The following SERPINI1 variants were observed in gnomAD, a reference collection of about 807,000 sequenced individuals.
SERPINI1 encodes serpin family I member 1.
SERPINI1 carries 19 observed loss-of-function variants against 41.1 expected under a neutral mutation model. The ratio of observed to expected loss-of-function variants is 0.46; its 90% CI spans 0.32 to 0.68. SERPINI1 has a LOEUF of 0.68. Among genes scored for constraint, SERPINI1 ranks in the 30% least tolerant of loss-of-function variants. The pLI is 0.03. For synonymous variants in SERPINI1, 138 were observed against 156.6 expected (o/e 0.88, Z 0.89); for missense variants, 460 against 479.2 (o/e 0.96, Z 0.37).
At chr3:167,768,801 T>G (rs1167953457) in intron 1 of SERPINI1, among the ~76,000 whole-genome samples, 1 of 152,222 alleles carries the variant, frequency 6.6e-6, no homozygotes, top group Admixed American at 6.5e-5. Context: ...TATCCAGCAC[T>G]GGCTGCTGCA....
At chr3:167,768,697 T>C (rs190712277) in intron 1 of SERPINI1, among the ~76,000 whole-genome samples, 39 of 152,310 alleles carry the variant, frequency 2.6e-4, no homozygotes, top group African/African-American at 9.1e-4. Context: ...AGATGGCTTA[T>C]GGAATTTCTC....
chr3:167,796,564 G>A lies in SERPINI1; in HGVS notation c.881+1740G>A, dbSNP rs561498176. Among the ~76,000 whole-genome samples, 6 of 152,142 alleles carry A rather than the reference G, an allele frequency of 3.9e-5. No homozygotes were observed. In the South Asian group the frequency reaches 1.2e-3, roughly 32 times the overall value. ...GTTGTTCCCCTCCCTGTGTCCATGT[G>A]TTCTAATTGTTCAGCTCCCACTTAT... is the stretch of plus-strand genomic sequence containing the variant. On this transcript the variant is annotated intron_variant, in intron 5 of 8. Transcript: ENST00000446050.
chr3:167,758,357 G>A (rs1726256683), intron 1 of SERPINI1, among the ~76,000 whole-genome samples: 1 of 152,100 alleles, frequency 6.6e-6, no homozygotes, highest in Admixed American at 6.5e-5. Context: ...ATGTATTATA[G>A]CCCGTAGAAT....
At chr3:167,792,350 CAT>C (rs1375321070) in intron 3 of SERPINI1, among the ~76,000 whole-genome samples, 4 of 142,186 alleles carry the variant, frequency 2.8e-5, no homozygotes, top group African/African-American at 8.2e-5. Context: ...TATACACACA[CAT>C]ATATATATAC....
chr3:167,800,162 C>T (rs970865840), intron 5 of SERPINI1: 9 of 151,920 alleles, frequency 5.9e-5, no homozygotes, highest in Non-Finnish European at 1.0e-4. Context: ...AATGAAATAC[C>T]GCAAGATTTA....
At chr3:167,774,295 G>A (rs1387956714) in intron 1 of SERPINI1, among the ~76,000 whole-genome samples, 4 of 152,080 alleles carry the variant, frequency 2.6e-5, no homozygotes, top group Admixed American at 2.6e-4. Context: ...GTTAATATTA[G>A]TATTCTTCCT....
At chr3:167,772,862 C>CTCTCTCTCTCTCTT (rs1553772911) in intron 1 of SERPINI1, among the ~76,000 whole-genome samples, 6 of 23,632 alleles carry the variant, frequency 2.5e-4, no homozygotes, top group African/African-American at 9.8e-4. Flanking sequence ...CTCTCTCTCT[C>CTCTCTCTCTCTCTT]TCTATATATA....
chr3:167,780,639 A>C (rs1727092114), intron 1 of SERPINI1, among the ~76,000 whole-genome samples: 1 of 152,122 alleles, frequency 6.6e-6, no homozygotes, highest in South Asian at 2.1e-4. Flanking sequence ...TAAAACATTT[A>C]ATTGTTATTT....
At chr3:167,747,934 G>T (rs905441429) in intron 1 of SERPINI1, among the ~76,000 whole-genome samples, 2 of 150,820 alleles carry the variant, frequency 1.3e-5, no homozygotes, top group African/African-American at 4.9e-5. Flanking sequence ...TTTGTGTTTT[G>T]TTGTTTTTTT....
At chr3:167,798,430 T>A (rs569133604) in intron 5 of SERPINI1, among the ~76,000 whole-genome samples, 6 of 152,184 alleles carry the variant, frequency 3.9e-5, no homozygotes, top group African/African-American at 1.4e-4. Flanking sequence ...AATACTTATA[T>A]GTTACAATAA....
chr3:167,744,568 T>G (rs940205540), intron 1 of SERPINI1, among the ~76,000 whole-genome samples: 1 of 145,730 alleles, frequency 6.9e-6, no homozygotes, highest in Admixed American at 7.0e-5. Flanking sequence ...TGCTACACTT[T>G]AAAATATAGT....
Position 167,789,143 on chromosome 3 carries a change from ACTCTT to A in SERPINI1, c.21_25del (p.Ser8AlafsTer14). 6.2e-7 allele frequency: 1 copy of A among 1,613,648 alleles called. No individual in the cohort carries two copies. Among genetic ancestry groups the A allele is most frequent in the Non-Finnish European group, 8.5e-7 (1 of 1,179,922 alleles). On this transcript the variant is annotated frameshift_variant, in exon 2 of 9. Coordinates refer to ENST00000446050, the MANE Select transcript of SERPINI1 (RefSeq NM_001122752.2). LOFTEE classifies it high-confidence loss of function. ...ACTGTTACAATATGGCTTTCCTTGGACTCTTCTCTTTGCTGGTTCTGCAAAGTATG... is the reference window on the plus strand; with the variant it reads ...ACTGTTACAATATGGCTTTCCTTGGACTCTTTGCTGGTTCTGCAAAGTATG...
chr3:167,744,786 G>C (rs1274562037), intron 1 of SERPINI1, among the ~76,000 whole-genome samples: 1 of 83,316 alleles, frequency 1.2e-5, no homozygotes, highest in Non-Finnish European at 2.3e-5. Flanking sequence ...ATATAACTAT[G>C]GTTATATATA....
intron 6 of SERPINI1, among the ~76,000 whole-genome samples, chr3:167,810,998 A>G (rs138466463): frequency 1.2e-4 from 18 of 152,254 alleles, no homozygotes; most frequent in African/African-American, 4.1e-4. Flanking sequence ...ATGAGATAGC[A>G]GCAATCTAGT....
chr3:167,747,579 A>G (rs113356827), intron 1 of SERPINI1, among the ~76,000 whole-genome samples: 11,878 of 152,100 alleles, frequency 0.078, 1,408 homozygotes, highest in African/African-American at 0.26. Context: ...GGGAGGCGGA[A>G]CTTGCAGTGA....
intron 6 of SERPINI1, among the ~76,000 whole-genome samples, chr3:167,809,856 A>G (rs896442547): frequency 2.6e-5 from 4 of 152,152 alleles, no homozygotes; most frequent in African/African-American, 9.7e-5. Context: ...CCCCTTAAAC[A>G]TAAGTAAAAA....
intron 1 of SERPINI1, among the ~76,000 whole-genome samples, chr3:167,780,485 C>T (rs1205633423): frequency 1.3e-5 from 2 of 152,166 alleles, no homozygotes; most frequent in Non-Finnish European, 2.9e-5. Context: ...GTGATCTATT[C>T]TGTAAGACTG....
At chr3:167,799,601 C>G (rs1462720937) in intron 5 of SERPINI1, among the ~76,000 whole-genome samples, 2 of 152,098 alleles carry the variant, frequency 1.3e-5, no homozygotes, top group Non-Finnish European at 2.9e-5. Flanking sequence ...GGTTCTAGAT[C>G]CTTGAGGAAT....
At chr3:167,785,025 G>A (rs1189969819) in intron 1 of SERPINI1, among the ~76,000 whole-genome samples, 1 of 152,152 alleles carries the variant, frequency 6.6e-6, no homozygotes, top group African/African-American at 2.4e-5. Context: ...GGTGGATCAT[G>A]AGGTCAAGAG....
Sources: gnomAD v4.1 joint callset for allele counts (sites outside exome capture counted in the v4.1 genomes callset) on GRCh38, gnomAD v4.1.1 for gene constraint, MANE v1.5 for transcripts, NCBI Gene and HGNC (gene_info 2026-07-23, HGNC 2026-07-21) for gene names.